Variants in CACNA2D3 observed in about 807,000 individuals in gnomAD.
CACNA2D3 encodes voltage-dependent calcium channel subunit alpha-2/delta-3.
In CACNA2D3, 60 loss-of-function variants were observed where a neutral mutation model predicts 160.6. That is an observed-to-expected ratio of 0.37 (90% confidence interval 0.30 to 0.46). The LOEUF is 0.46. Among genes scored for constraint, CACNA2D3 ranks in the 20% least tolerant of loss-of-function variants. CACNA2D3 has a pLI of 1.00. For synonymous variants in CACNA2D3, 558 were observed against 492.9 expected (o/e 1.13, Z -1.75); for missense variants, 1,205 against 1,365.0 (o/e 0.88, Z 1.85).
chr3:54,811,052 C>T (rs760279072), intron 13 of CACNA2D3, among the ~76,000 whole-genome samples: 2 of 152,168 alleles, frequency 1.3e-5, no homozygotes, highest in Non-Finnish European at 2.9e-5. Flanking sequence ...TCTCGCTGTC[C>T]TCTGCCTACA....
At chr3:54,158,880 A>G (rs561608076) in intron 2 of CACNA2D3, among the ~76,000 whole-genome samples, 1 of 152,234 alleles carries the variant, frequency 6.6e-6, no homozygotes, top group Non-Finnish European at 1.5e-5. Context: ...ACCTCTGTGC[A>G]CATGAAATCG....
At chr3:54,651,386 C>G (rs556658633) in intron 11 of CACNA2D3, among the ~76,000 whole-genome samples, 3 of 150,564 alleles carry the variant, frequency 2.0e-5, no homozygotes, top group Non-Finnish European at 4.4e-5. Context: ...GTGCGATTTC[C>G]GTGCTGTGTA....
chr3:54,347,621 G>A (rs192352267), intron 3 of CACNA2D3, among the ~76,000 whole-genome samples: 4 of 151,772 alleles, frequency 2.6e-5, no homozygotes, highest in African/African-American at 9.7e-5. Flanking sequence ...AGATTGTGCT[G>A]TGTCAGGACC....
At chr3:54,798,398 C>T (rs576687673) in intron 13 of CACNA2D3, among the ~76,000 whole-genome samples, 20 of 152,030 alleles carry the variant, frequency 1.3e-4, no homozygotes, top group Admixed American at 9.8e-4. Flanking sequence ...TAGCCAGGCG[C>T]GTTGGCATGT....
rs75819081 is a variant in CACNA2D3, at chr3:54,251,532, C to T, written c.205-68910C>T. Among the ~76,000 whole-genome samples the T allele has an allele frequency of 3.3e-3, 507 of 152,246 alleles. 7 individuals carry two copies. The highest frequency in any genetic ancestry group is 0.014 in the East Asian group (70 of 5,184). ...CCACTGTTTTTTGAGGATCTGCAGACGGTGGCATTGTAGTGAGTGAGAATG... is the reference window on the plus strand; with the variant it reads ...CCACTGTTTTTTGAGGATCTGCAGATGGTGGCATTGTAGTGAGTGAGAATG... On this transcript the variant is annotated intron_variant, in intron 2 of 37. Transcript: ENST00000474759.
At chr3:54,677,527 T>C (rs551504885) in intron 11 of CACNA2D3, among the ~76,000 whole-genome samples, 1 of 152,168 alleles carries the variant, frequency 6.6e-6, no homozygotes, top group South Asian at 2.1e-4. Context: ...AAGCAATGTA[T>C]TGATTATGGA....
At chr3:54,999,463 T>A (rs1702933804) in intron 31 of CACNA2D3, among the ~76,000 whole-genome samples, 1 of 152,244 alleles carries the variant, frequency 6.6e-6, no homozygotes, top group Admixed American at 6.5e-5. Flanking sequence ...GTGAGTCATT[T>A]TGCTTCTCAG....
intron 10 of CACNA2D3, among the ~76,000 whole-genome samples, chr3:54,637,220 T>TG (rs1335177842): frequency 6.6e-6 from 1 of 151,878 alleles, no homozygotes; most frequent in Non-Finnish European, 1.5e-5. Context: ...TAAAGTGTGC[T>TG]GCGGGATGGG....
chr3:54,642,071 A>G (rs1699532807), intron 10 of CACNA2D3, 57 bp from the exon 11 acceptor site: 6 of 1,123,136 alleles, frequency 5.3e-6, no homozygotes, highest in Non-Finnish European at 7.6e-6. Flanking sequence ...CTGATTTTTC[A>G]CTGATACACA....
At chr3:54,292,863 A>G (rs983063810) in intron 2 of CACNA2D3, among the ~76,000 whole-genome samples, 1 of 152,238 alleles carries the variant, frequency 6.6e-6, no homozygotes, top group Non-Finnish European at 1.5e-5. Context: ...AGACTGAAAT[A>G]GAGACTGGCA....
intron 3 of CACNA2D3, among the ~76,000 whole-genome samples, chr3:54,352,281 C>G (rs899812861): frequency 7.2e-5 from 11 of 152,146 alleles, no homozygotes; most frequent in Non-Finnish European, 1.5e-4. Context: ...GGTAGTAGCA[C>G]CTACTTCGTA....
chr3:54,933,097 CTTCCTTCCTTCCTTCCTTCTTTCT>C (rs1053271868), intron 27 of CACNA2D3, among the ~76,000 whole-genome samples: 3 of 99,350 alleles, frequency 3.0e-5, no homozygotes, highest in African/African-American at 8.3e-5. Flanking sequence ...TCCTTCCTTC[CTTCCTTCCTTCCTTCCTTCTTTCT>C]GGACCTCTGC....
At chr3:54,457,748 A>G (rs992914719) in intron 4 of CACNA2D3, among the ~76,000 whole-genome samples, 17 of 152,020 alleles carry the variant, frequency 1.1e-4, no homozygotes, top group African/African-American at 4.8e-5. Flanking sequence ...ACACAACCAT[A>G]TATACATGTG....
intron 27 of CACNA2D3, among the ~76,000 whole-genome samples, chr3:54,931,667 T>A (rs1701195136): frequency 6.6e-6 from 1 of 152,186 alleles, no homozygotes; most frequent in South Asian, 2.1e-4. Context: ...TAGAGTAAAA[T>A]TGTGTTTATA....
At chr3:54,822,527 C>G (rs948683575) in intron 14 of CACNA2D3, among the ~76,000 whole-genome samples, 5 of 152,072 alleles carry the variant, frequency 3.3e-5, no homozygotes, top group Non-Finnish European at 5.9e-5. Context: ...CTTGGCTGAC[C>G]CCTTTTCCAT....
At chr3:54,831,696 T>C (rs540881161) in intron 14 of CACNA2D3, among the ~76,000 whole-genome samples, 2 of 152,296 alleles carry the variant, frequency 1.3e-5, no homozygotes, top group South Asian at 2.1e-4. Context: ...GGAATGTTGG[T>C]ACCCTTTTGC....
chr3:54,656,703 C>T (rs375576118), intron 11 of CACNA2D3, among the ~76,000 whole-genome samples: 21 of 152,338 alleles, frequency 1.4e-4, no homozygotes, highest in African/African-American at 5.0e-4. Context: ...ACACAAGGTG[C>T]AATCAAATCG....
chr3:54,862,645 G>A (rs569487804), intron 17 of CACNA2D3, among the ~76,000 whole-genome samples: 64 of 152,228 alleles, frequency 4.2e-4, no homozygotes, highest in African/African-American at 1.5e-3. Flanking sequence ...CTCAGAGATG[G>A]TGAGACTAGA....
At chr3:54,320,877 A>C (rs911093692) in intron 3 of CACNA2D3, among the ~76,000 whole-genome samples, 2 of 152,230 alleles carry the variant, frequency 1.3e-5, no homozygotes, top group African/African-American at 4.8e-5. Flanking sequence ...ATTCAAAGGT[A>C]CACTAGGGTT....
Sources: gnomAD v4.1 joint callset for allele counts (sites outside exome capture counted in the v4.1 genomes callset) on GRCh38, gnomAD v4.1.1 for gene constraint, MANE v1.5 for transcripts, NCBI Gene and HGNC (gene_info 2026-07-23, HGNC 2026-07-21) for gene names.